MTHFS: variants seen among roughly 807,000 people sequenced by gnomAD.
MTHFS encodes the protein methenyltetrahydrofolate synthetase, also known as 5-formyltetrahydrofolate cyclo-ligase.
Under a neutral mutation model 12.7 loss-of-function variants are expected in MTHFS, and 7 were observed. That is an observed-to-expected ratio of 0.55 (90% CI 0.31 to 1.03). MTHFS has a LOEUF of 1.03. MTHFS is among the 50% of genes least tolerant of loss of function. MTHFS has a pLI of 0.05. For synonymous variants in MTHFS, 100 were observed against 97.1 expected, an observed-to-expected ratio of 1.03 and a Z score of -0.18; for missense variants, 252 against 258.1, an observed-to-expected ratio of 0.98 and a Z score of 0.16.
chr15:79,886,497 T>C (rs2034384535), intron 2 of MTHFS, among the ~76,000 whole-genome samples: 1 of 151,410 alleles, frequency 6.6e-6, no homozygotes, highest in South Asian at 2.1e-4. Flanking sequence ...GAAAAATGCA[T>C]GGGGGAAAAA....
chr15:79,864,905 T>G (rs987262595), intron 2 of MTHFS, among the ~76,000 whole-genome samples: 1 of 152,176 alleles, frequency 6.6e-6, no homozygotes, highest in Non-Finnish European at 1.5e-5. Flanking sequence ...GAGAATATTT[T>G]TATGGCTGGC....
At position 79,876,917 on chromosome 15, in the gene MTHFS, C is replaced by T. The variant is rs61247774; in HGVS notation, c.379+12176G>A. The T allele has an allele frequency of 0.019, 2,935 of 152,038 alleles. 185 individuals carry two copies. The East Asian group carries it at 0.22, about 11-fold the overall frequency. 9.4% of individuals were successfully genotyped at this position (152,038 alleles called of 1,614,324 possible). On this transcript the variant is annotated intron_variant, in intron 2 of 2. Transcript: ENST00000258874. ...AATTAGCTGGGTGTGGTGGCACGTG[C>T]CTGTAGTCCCAGCTACTCAAGAGGC...
intron 2 of MTHFS, among the ~76,000 whole-genome samples, chr15:79,856,997 CT>C (rs558340769): frequency 0.014 from 1,855 of 131,046 alleles, 9 homozygotes; most frequent in African/African-American, 0.017. Flanking sequence ...CGCAAAGTCA[CT>C]TTTTTTTTTT....
intron 2 of MTHFS, among the ~76,000 whole-genome samples, chr15:79,863,102 A>T (rs1032180456): frequency 2.6e-5 from 4 of 152,226 alleles, no homozygotes; most frequent in Admixed American, 2.6e-4. Flanking sequence ...TGACATGCAG[A>T]TGGCAAAGCC....
intron 2 of MTHFS, among the ~76,000 whole-genome samples, chr15:79,873,161 T>G (rs956544881): frequency 7.2e-5 from 11 of 152,174 alleles, no homozygotes; most frequent in African/African-American, 2.7e-4. Context: ...TGACGCCTCC[T>G]GGTGCCAGGC....
At chr15:79,849,280 A>G (rs1282777383) in intron 2 of MTHFS, among the ~76,000 whole-genome samples, 1 of 152,176 alleles carries the variant, frequency 6.6e-6, no homozygotes, top group Non-Finnish European at 1.5e-5. Flanking sequence ...TACTTGTTAA[A>G]TCCAAGTGTT....
intron 2 of MTHFS, among the ~76,000 whole-genome samples, chr15:79,880,129 G>A (rs753369044): frequency 3.3e-5 from 5 of 151,622 alleles, no homozygotes; most frequent in Non-Finnish European, 7.4e-5. Context: ...GAGTGCAGTG[G>A]CATGATCTCA....
intron 2 of MTHFS, among the ~76,000 whole-genome samples, chr15:79,860,655 A>G (rs16971449): frequency 0.15 from 16,636 of 110,986 alleles, 1,163 homozygotes; most frequent in African/African-American, 0.25. Flanking sequence ...CAAAGAAGCA[A>G]GGAGAAATTA....
At chr15:79,875,555 T>C (rs1254931313) in intron 2 of MTHFS, among the ~76,000 whole-genome samples, 1 of 152,174 alleles carries the variant, frequency 6.6e-6, no homozygotes, top group Non-Finnish European at 1.5e-5. Flanking sequence ...CCCCAACTTA[T>C]ACCATTTACA....
chr15:79,847,338 C>A (rs2033636413), intron 2 of MTHFS, among the ~76,000 whole-genome samples: 1 of 152,012 alleles, frequency 6.6e-6, no homozygotes, highest in Non-Finnish European at 1.5e-5. Flanking sequence ...GGCACAGAGA[C>A]CCCCTAGAAC....
intron 1 of MTHFS, among the ~76,000 whole-genome samples, chr15:79,889,587 A>T (rs1665769485): frequency 6.6e-6 from 1 of 152,082 alleles, no homozygotes; most frequent in South Asian, 2.1e-4. Flanking sequence ...TGGTACACCC[A>T]CTCTGGTAGG....
At chr15:79,868,999 CG>C (rs1298640100) in intron 2 of MTHFS, among the ~76,000 whole-genome samples, 1 of 151,856 alleles carries the variant, frequency 6.6e-6, no homozygotes, top group East Asian at 1.9e-4. Context: ...AATGAAAAAA[CG>C]GTGAGTGTTG....
In MTHFS at chr15:79,889,337, C is replaced by T; in HGVS notation, c.135G>A (p.Glu45=). The T allele has an allele frequency of 6.2e-7, 1 of 1,613,924 alleles. No individual in the cohort carries two copies. Among genetic ancestry groups the T allele is most frequent in the Non-Finnish European group, 8.5e-7 (1 of 1,179,900 alleles). Residue 45 remains glutamate, a synonymous_variant, in exon 2 of 3, where the codon GAG becomes GAA. Transcript: ENST00000258874. The part of the protein sequence containing the change: ...VLSQKVIAHS[E]YQKSKRISIF... Reference sequence around the variant, plus strand: ...TGGAAATTCTTTTGGACTTTTGATACTCACTGTGGGCAATCACCTAAATGG... The same window carrying T: ...TGGAAATTCTTTTGGACTTTTGATATTCACTGTGGGCAATCACCTAAATGG...
rs1375433660 is a variant in MTHFS at position 79,844,461 on chromosome 15, C to T, written c.*749G>A. 6.6e-6 allele frequency among the ~76,000 whole-genome samples: 1 copy of T among 152,102 alleles called. No individual in the cohort carries two copies. Among genetic ancestry groups the T allele is most frequent in the African/African-American group, 2.4e-5 (1 of 41,412 alleles). On this transcript the variant is annotated 3_prime_UTR_variant, in exon 3 of 3. Coordinates refer to ENST00000258874, the MANE Select transcript of MTHFS (RefSeq NM_006441.4). ...TCTGGAGATGACCAAATCCTCCCCA[C>T]AACAAAATTATTGCTCCCTAGCTGT... is the stretch of plus-strand genomic sequence containing the variant.
chr15:79,868,040 G>A (rs531663984), intron 2 of MTHFS, among the ~76,000 whole-genome samples: 1 of 152,196 alleles, frequency 6.6e-6, no homozygotes, highest in East Asian at 1.9e-4. Context: ...TATTTTGAGC[G>A]AGGTCTGAAT....
intron 2 of MTHFS, among the ~76,000 whole-genome samples, chr15:79,873,953 T>G (rs2034147626): frequency 6.6e-6 from 1 of 152,194 alleles, no homozygotes. Flanking sequence ...CCTGGCTGAC[T>G]AGAAACTATA....
At chr15:79,848,308 A>G (rs1170212146) in intron 2 of MTHFS, among the ~76,000 whole-genome samples, 2 of 152,206 alleles carry the variant, frequency 1.3e-5, no homozygotes, top group African/African-American at 4.8e-5. Context: ...AAATCTTAGG[A>G]ACAGAATGTA....
intron 1 of MTHFS, among the ~76,000 whole-genome samples, chr15:79,890,205 T>C (rs1184344181): frequency 7.2e-6 from 1 of 138,356 alleles, no homozygotes. Context: ...CTCTCTTTTT[T>C]CCTTTTTTTT....
intron 2 of MTHFS, among the ~76,000 whole-genome samples, chr15:79,852,999 C>T (rs1050668678): frequency 1.7e-4 from 26 of 152,170 alleles, no homozygotes; most frequent in Non-Finnish European, 3.2e-4. Context: ...CACAGCAGCA[C>T]TTTCCTCCTA....
Sources: allele counts gnomAD v4.1 joint callset (sites outside exome capture counted in the v4.1 genomes callset), GRCh38; gene constraint gnomAD v4.1.1; transcripts MANE v1.5; gene names NCBI Gene and HGNC (gene_info 2026-07-23, HGNC 2026-07-21).